The following ATP10B variants were observed in gnomAD, a reference collection of about 807,000 sequenced individuals.
ATP10B encodes the protein phospholipid-transporting ATPase VB.
A neutral mutation model predicts 141.2 loss-of-function variants in ATP10B; 122 were observed. The observed-to-expected ratio is 0.86, with a 90% confidence interval of 0.75 to 1.00. The LOEUF (loss-of-function observed/expected upper bound fraction) is 1.00, where lower values mean the gene tolerates loss of function less well. Ranked by LOEUF, ATP10B falls within the 50% of genes least tolerant of loss-of-function variation. The pLI, the probability that ATP10B is intolerant of heterozygous loss-of-function variation, is 0.00. For synonymous variants in ATP10B, 685 were observed against 692.0 expected, an observed-to-expected ratio of 0.99 and a Z score of 0.16; for missense variants, 1,876 against 1,825.3, an observed-to-expected ratio of 1.03 and a Z score of -0.51.
At chr5:160,791,733 T>C (rs924206030) in intron 1 of ATP10B, among the ~76,000 whole-genome samples, 2 of 152,160 alleles carry the variant, frequency 1.3e-5, no homozygotes, top group Non-Finnish European at 2.9e-5. Context: ...TTCTACCTCA[T>C]TGGCCAAAAC....
At chr5:160,853,898 A>G (rs1350020179), upstream of ATP10B, among the ~76,000 whole-genome samples, 1 of 152,190 alleles carries the variant, frequency 6.6e-6, no homozygotes, top group African/African-American at 2.4e-5. Context: ...AGTTTTACTT[A>G]TAGTTCCTAT....
At position 160,822,670 on chromosome 5, in the gene ATP10B, T is replaced by TTC. The variant is rs557657867; in HGVS notation, c.-576+29269_-576+29270dup. Among the ~76,000 whole-genome samples the TTC allele has an allele frequency of 3.2e-4, 48 of 152,174 alleles. 1 individual carries two copies. In the East Asian group the frequency reaches 7.9e-3, roughly 25 times the overall value. On this transcript the variant is annotated intron_variant, in intron 1 of 25. Coordinates refer to ENST00000327245, the MANE Select transcript of ATP10B (RefSeq NM_025153.3). ...TGTTGTACATATACATAATATAGTA[T>TTC]TCTTCAGCCATAAAAACAATGAGAT...
the ATP10B span, among the ~76,000 whole-genome samples, chr5:160,918,909 G>A: frequency 2.0e-5 from 3 of 152,286 alleles, no homozygotes; most frequent in African/African-American, 7.2e-5. Context: ...CAGCATTTTA[G>A]TGTTACTATG....
At chr5:160,823,337 A>C (rs1774322024) in intron 1 of ATP10B, among the ~76,000 whole-genome samples, 1 of 151,962 alleles carries the variant, frequency 6.6e-6, no homozygotes, top group Non-Finnish European at 1.5e-5. Context: ...GGAGCTGAAC[A>C]ATGAGAACAC....
rs1754410154 is a variant in ATP10B at position 160,564,193 on chromosome 5, G to A, written c.*1260C>T. The A allele has an allele frequency of 6.6e-6, 1 of 152,138 alleles. No homozygotes were observed. Among genetic ancestry groups the A allele is most frequent in the African/African-American group, 2.4e-5 (1 of 41,426 alleles). 9.4% of individuals were successfully genotyped at this position (152,138 alleles called of 1,614,324 possible). ...CCTACTATATAGGTACTAGCTTAAG[G>A]TGGCTCAGTAACCCTTTCTGGCTTA... On this transcript the variant is annotated 3_prime_UTR_variant, in exon 26 of 26. Transcript: ENST00000327245.
At chr5:160,609,913 C>T (rs1757618081) in intron 18 of ATP10B, among the ~76,000 whole-genome samples, 1 of 152,156 alleles carries the variant, frequency 6.6e-6, no homozygotes. Context: ...CAATATATGA[C>T]TAAAGCAAGT....
intron 24 of ATP10B, among the ~76,000 whole-genome samples, chr5:160,586,860 A>T (rs1755941651): frequency 6.6e-6 from 1 of 152,194 alleles, no homozygotes; most frequent in Non-Finnish European, 1.5e-5. Flanking sequence ...GATTCTAGAT[A>T]TTAGCCCTTT....
intron 1 of ATP10B, among the ~76,000 whole-genome samples, chr5:160,831,007 C>G (rs1561904152): frequency 6.7e-6 from 1 of 148,862 alleles, no homozygotes; most frequent in South Asian, 2.1e-4. Flanking sequence ...ACAGAGTGGA[C>G]AGAATAGTGT....
At chr5:160,772,380 C>T (rs4921331) in intron 2 of ATP10B, among the ~76,000 whole-genome samples, 1 of 152,228 alleles carries the variant, frequency 6.6e-6, no homozygotes, top group African/African-American at 2.4e-5. Flanking sequence ...GAACACTGTG[C>T]CTGTCATCCA....
chr5:160,663,498 A>G (rs1388673370), intron 7 of ATP10B, among the ~76,000 whole-genome samples: 4 of 152,214 alleles, frequency 2.6e-5, no homozygotes, highest in Non-Finnish European at 5.9e-5. Context: ...AGGGACATGG[A>G]TGAAGCTGCA....
the ATP10B span, among the ~76,000 whole-genome samples, chr5:160,880,637 A>G: frequency 6.6e-6 from 1 of 152,198 alleles, no homozygotes; most frequent in Admixed American, 6.5e-5. Flanking sequence ...CATAAGACCC[A>G]TGTATATATA....
At chr5:160,896,840 C>A in the ATP10B span, among the ~76,000 whole-genome samples, 1 of 152,186 alleles carries the variant, frequency 6.6e-6, no homozygotes, top group Admixed American at 6.5e-5. Flanking sequence ...AAAGCTTATT[C>A]ACCACGATCA....
At chr5:160,743,641 C>T (rs1767624530) in intron 2 of ATP10B, among the ~76,000 whole-genome samples, 1 of 152,060 alleles carries the variant, frequency 6.6e-6, no homozygotes, top group South Asian at 2.1e-4. Context: ...AATCTATGAA[C>T]CAGGGCGTCT....
intron 20 of ATP10B, chr5:160,602,997 G>A (rs975207862): frequency 1.6e-5 from 4 of 253,140 alleles, no homozygotes; most frequent in South Asian, 5.9e-5. Flanking sequence ...GTCAGGCACC[G>A]TGCTAGGGAT....
intron 24 of ATP10B, among the ~76,000 whole-genome samples, chr5:160,571,646 A>G (rs1385527825): frequency 2.0e-5 from 3 of 152,192 alleles, no homozygotes; most frequent in Non-Finnish European, 4.4e-5. Context: ...AATAAAGGTA[A>G]CTTTCTCTAG....
chr5:160,593,017 C>T (rs1036676496), intron 22 of ATP10B, among the ~76,000 whole-genome samples: 2 of 152,232 alleles, frequency 1.3e-5, no homozygotes, highest in South Asian at 2.1e-4. Context: ...CAGCAGTAAC[C>T]TCTGCAGACT....
chr5:160,821,176 C>T (rs888007089), intron 1 of ATP10B, among the ~76,000 whole-genome samples: 1 of 151,988 alleles, frequency 6.6e-6, no homozygotes, highest in Non-Finnish European at 1.5e-5. Context: ...ATGCAGGATA[C>T]AAAATCAACA....
At chr5:160,569,198 C>T (rs989625384) in intron 25 of ATP10B, among the ~76,000 whole-genome samples, 2 of 152,114 alleles carry the variant, frequency 1.3e-5, no homozygotes, top group Non-Finnish European at 2.9e-5. Context: ...TAATTCCTTA[C>T]TACACAAAAA....
intron 2 of ATP10B, among the ~76,000 whole-genome samples, chr5:160,778,525 A>G (rs1175785518): frequency 6.6e-6 from 1 of 152,200 alleles, no homozygotes; most frequent in East Asian, 1.9e-4. Context: ...GAAGCATCCA[A>G]CTCTATCCCA....
Sources: gnomAD v4.1 joint callset for allele counts (sites outside exome capture counted in the v4.1 genomes callset) on GRCh38, gnomAD v4.1.1 for gene constraint, MANE v1.5 for transcripts, NCBI Gene and HGNC (gene_info 2026-07-23, HGNC 2026-07-21) for gene names.